Variants in SLC9B1 observed in about 807,000 individuals in gnomAD.
SLC9B1 encodes the protein solute carrier family 9 member B1.
A neutral mutation model predicts 51.7 loss-of-function variants in SLC9B1; 32 were observed. The ratio of observed to expected loss-of-function variants is 0.62; its 90% confidence interval spans 0.47 to 0.83. SLC9B1 has a LOEUF of 0.83. Ranked by LOEUF, SLC9B1 falls within the 40% of genes least tolerant of loss-of-function variation. SLC9B1 has a pLI of 0.00. For synonymous variants in SLC9B1, 145 were observed against 212.7 expected (o/e 0.68, Z 2.77); for missense variants, 406 against 613.2 (o/e 0.66, Z 3.57).
intron 3 of SLC9B1, among the ~76,000 whole-genome samples, chr4:102,963,788 A>G (rs1288719365): frequency 6.6e-6 from 1 of 152,212 alleles, no homozygotes; most frequent in Non-Finnish European, 1.5e-5. Context: ...ATAACATAAC[A>G]TTATTTACAG....
At chr4:102,894,296 C>G (rs967443452) in intron 11 of SLC9B1, among the ~76,000 whole-genome samples, 1 of 152,022 alleles carries the variant, frequency 6.6e-6, no homozygotes, top group African/African-American at 2.4e-5. Flanking sequence ...AACAAGGAAC[C>G]AGTAGGAATA....
At chr4:102,981,359 G>T (rs1410931217) in intron 3 of SLC9B1, among the ~76,000 whole-genome samples, 1 of 152,026 alleles carries the variant, frequency 6.6e-6, no homozygotes, top group Non-Finnish European at 1.5e-5. Context: ...AGCTCATTTG[G>T]GTAAATATCA....
intron 3 of SLC9B1, chr4:102,962,010 C>G (rs1738163128): frequency 6.6e-6 from 2 of 301,084 alleles, no homozygotes; most frequent in South Asian, 3.0e-5. Flanking sequence ...GTAAGAGCCA[C>G]TTGGTGCCCA....
intron 1 of SLC9B1, 27 bp downstream of exon 1, chr4:103,019,569 AAGG>A (rs1284058621): frequency 1.0e-6 from 1 of 985,152 alleles, no homozygotes; most frequent in Non-Finnish European, 1.2e-6. Context: ...AAGGGCTTGG[AAGG>A]GCGGCGTTAA....
rs1216160910 is a variant in SLC9B1 at position 102,959,832 on chromosome 4, A to G, written c.212-10405T>C. ...TGACACTGTATTTTATAAAAAGTAA[A>G]TATCAGTCTACATCAAATAGGAAAT... On this transcript the variant is annotated intron_variant, in intron 3 of 11. Coordinates refer to ENST00000296422, the MANE Select transcript of SLC9B1 (RefSeq NM_139173.4). Among the ~76,000 whole-genome samples, 5 of 152,328 alleles carry G rather than the reference A, an allele frequency of 3.3e-5. No individual in the cohort carries two copies. In the East Asian group the frequency reaches 5.8e-4, roughly 18 times the overall value.
intron 3 of SLC9B1, among the ~76,000 whole-genome samples, chr4:102,968,586 C>T (rs974860139): frequency 4.6e-5 from 7 of 152,218 alleles, no homozygotes; most frequent in South Asian, 2.1e-4. Context: ...ATAGGAACAG[C>T]TCCTGTCTGC....
intron 1 of SLC9B1, among the ~76,000 whole-genome samples, chr4:103,004,874 C>G (rs979077519): frequency 5.9e-5 from 9 of 152,112 alleles, no homozygotes; most frequent in Admixed American, 5.9e-4. Context: ...TCCTTTCAGA[C>G]AAACAAATGC....
intron 3 of SLC9B1, among the ~76,000 whole-genome samples, chr4:102,950,981 G>T (rs923238995): frequency 2.6e-5 from 4 of 152,084 alleles, no homozygotes; most frequent in Non-Finnish European, 5.9e-5. Flanking sequence ...GGTAACAAGA[G>T]CAAAACTCCA....
chr4:102,920,717 T>A (rs1054564443), intron 7 of SLC9B1, among the ~76,000 whole-genome samples: 1 of 152,184 alleles, frequency 6.6e-6, no homozygotes, highest in Non-Finnish European at 1.5e-5. Flanking sequence ...AGACCTTAAG[T>A]GACCTGATGG....
intron 1 of SLC9B1, among the ~76,000 whole-genome samples, chr4:102,992,778 G>C (rs1421080934): frequency 6.6e-6 from 1 of 152,124 alleles, no homozygotes; most frequent in East Asian, 1.9e-4. Context: ...CCATTTTCAT[G>C]CAGCTATGAA....
chr4:102,918,389 C>T (rs943144397), intron 7 of SLC9B1, among the ~76,000 whole-genome samples: 6 of 152,194 alleles, frequency 3.9e-5, no homozygotes, highest in African/African-American at 1.4e-4. Context: ...TAACTAGTAA[C>T]TGAATCAGGA....
rs184658899 is a variant in SLC9B1 at position 102,931,818 on chromosome 4, G to A, written c.829+306C>T. 4.1e-3 allele frequency among the ~76,000 whole-genome samples: 628 copies of A among 152,226 alleles called. 3 individuals are homozygous for A. The highest frequency in any genetic ancestry group is 0.014 in the African/African-American group (574 of 41,534). On this transcript the variant is annotated intron_variant, in intron 7 of 11. Coordinates refer to ENST00000296422, the MANE Select transcript of SLC9B1 (RefSeq NM_139173.4). ...AAATATTAGTAGTACAAATAATACC[G>A]CTGAATTTTTTCTAATGAGAACTGA...
At chr4:102,914,226 A>AT (rs1560924076) in intron 7 of SLC9B1, among the ~76,000 whole-genome samples, 1 of 101,594 alleles carries the variant, frequency 9.8e-6, no homozygotes. Flanking sequence ...GTCTGGGTGC[A>AT]CTGGATGAAT....
chr4:102,960,901 T>G (rs1004803559), intron 3 of SLC9B1, among the ~76,000 whole-genome samples: 1 of 151,928 alleles, frequency 6.6e-6, no homozygotes, highest in Non-Finnish European at 1.5e-5. Flanking sequence ...CCCGGCTAAT[T>G]TGGTATTTTT....
At chr4:103,000,270 T>C (rs1740452216) in intron 1 of SLC9B1, among the ~76,000 whole-genome samples, 1 of 152,170 alleles carries the variant, frequency 6.6e-6, no homozygotes. Context: ...CAATCATGCC[T>C]TCCCAACAGT....
At chr4:102,934,508 A>G (rs1736617888) in intron 6 of SLC9B1, among the ~76,000 whole-genome samples, 1 of 152,160 alleles carries the variant, frequency 6.6e-6, no homozygotes, top group African/African-American at 2.4e-5. Flanking sequence ...GTAATAAGAA[A>G]ATGTAGGGGG....
At chr4:103,019,577 C>T in intron 1 of SLC9B1, 22 bp downstream of exon 1, 1 of 985,304 alleles carries the variant, frequency 1.0e-6, no homozygotes, top group East Asian at 1.1e-4. Context: ...GGAAGGGCGG[C>T]GTTAAGAAAA....
chr4:102,935,895 C>A (rs1578361014), intron 6 of SLC9B1, among the ~76,000 whole-genome samples: 1 of 152,178 alleles, frequency 6.6e-6, no homozygotes. Context: ...CAACCCCATC[C>A]CACACCTGCC....
At chr4:102,941,519 A>G in intron 6 of SLC9B1, 1 of 454,040 alleles carries the variant, frequency 2.2e-6, no homozygotes, top group South Asian at 1.6e-5. Flanking sequence ...TTGGGGAGCT[A>G]CTCCCAGGTC....
Sources: allele counts gnomAD v4.1 joint callset (sites outside exome capture counted in the v4.1 genomes callset), GRCh38; gene constraint gnomAD v4.1.1; transcripts MANE v1.5; gene names NCBI Gene and HGNC (gene_info 2026-07-23, HGNC 2026-07-21).